TCERG1L: variants seen among roughly 807,000 people sequenced by gnomAD.
The protein encoded by TCERG1L is transcription elongation regulator 1 like.
A neutral mutation model predicts 56.3 loss-of-function variants in TCERG1L; 37 were observed. The observed-to-expected ratio is 0.66, with a 90% CI of 0.51 to 0.87. TCERG1L has a LOEUF of 0.87. Ranked by LOEUF, TCERG1L falls within the 40% of genes least tolerant of loss-of-function variation. The probability of loss-of-function intolerance (pLI) is 0.00; values close to 1 mark genes in which losing one functional copy is unlikely to be tolerated. For synonymous variants in TCERG1L, 324 were observed against 326.3 expected, an observed-to-expected ratio of 0.99 and a Z score of 0.08; for missense variants, 799 against 774.2, an observed-to-expected ratio of 1.03 and a Z score of -0.38.
At chr10:131,291,704 G>C (rs1189689561) in intron 3 of TCERG1L, among the ~76,000 whole-genome samples, 1 of 151,498 alleles carries the variant, frequency 6.6e-6, no homozygotes, top group East Asian at 1.9e-4. Flanking sequence ...AGGATTACAG[G>C]CGTGAGCCAC....
chr10:131,236,095 C>T (rs1341227597), intron 4 of TCERG1L, among the ~76,000 whole-genome samples: 1 of 152,202 alleles, frequency 6.6e-6, no homozygotes, highest in Non-Finnish European at 1.5e-5. Context: ...CTGAACTTCA[C>T]ATGGCAGGAC....
At chr10:131,178,861 A>T (rs1381675386) in intron 4 of TCERG1L, among the ~76,000 whole-genome samples, 1 of 152,214 alleles carries the variant, frequency 6.6e-6, no homozygotes, top group Non-Finnish European at 1.5e-5. Context: ...ACTCCACTGT[A>T]CACTCCGCAG....
chr10:131,227,168 T>G (rs1340334800), intron 4 of TCERG1L, among the ~76,000 whole-genome samples: 1 of 152,236 alleles, frequency 6.6e-6, no homozygotes, highest in Non-Finnish European at 1.5e-5. Context: ...CAAGGGCCTT[T>G]GTTTAATGTG....
At chr10:131,291,771 A>G (rs996294791) in intron 3 of TCERG1L, among the ~76,000 whole-genome samples, 1 of 151,610 alleles carries the variant, frequency 6.6e-6, no homozygotes, top group Non-Finnish European at 1.5e-5. Context: ...ATCCAAGACC[A>G]TAGTAACTGT....
chr10:131,203,246 G>T (rs1462839944), intron 4 of TCERG1L, among the ~76,000 whole-genome samples: 1 of 143,246 alleles, frequency 7.0e-6, no homozygotes. Flanking sequence ...GGTGGTAGAT[G>T]ACCTCACTTA....
rs547056333 is a variant in TCERG1L at position 131,138,011 on chromosome 10, GT to G, written c.1190-3564del. Among the ~76,000 whole-genome samples, 396 of 152,306 alleles carry G rather than the reference GT, an allele frequency of 2.6e-3. 2 individuals carry two copies. Among genetic ancestry groups the G allele is most frequent in the East Asian group, 1.5e-3 (8 of 5,176 alleles). ...AGGCTGAGTGCGATGGCTTATGTCT[GT>G]AATCCCAGCACTTTGGGACGCAGAG... On this transcript the variant is annotated intron_variant, in intron 7 of 11. Coordinates refer to ENST00000368642, the MANE Select transcript of TCERG1L (RefSeq NM_174937.4).
At chr10:131,101,621 G>A (rs1293808753) in intron 10 of TCERG1L, among the ~76,000 whole-genome samples, 4 of 152,124 alleles carry the variant, frequency 2.6e-5, no homozygotes, top group African/African-American at 9.7e-5. Context: ...GACACTGCCC[G>A]GTTTATGGCT....
chr10:131,236,389 C>A (rs1166729086), intron 4 of TCERG1L, among the ~76,000 whole-genome samples: 1 of 152,220 alleles, frequency 6.6e-6, no homozygotes, highest in African/African-American at 2.4e-5. Flanking sequence ...AGGCAATGGA[C>A]CACATGACAC....
At position 131,311,572 on chromosome 10, in the gene TCERG1L, G is replaced by A. The variant is rs1164007671; in HGVS notation, c.64C>T (p.Arg22Trp). The A allele has an allele frequency of 8.7e-7, 1 of 1,155,530 alleles. No homozygotes were observed. The highest frequency in any genetic ancestry group is 1.1e-6 in the Non-Finnish European group (1 of 940,084). 71.6% of individuals were successfully genotyped at this position (1,155,530 alleles called of 1,614,324 possible). Residue 22 changes from arginine (R) to tryptophan (W), a missense_variant, in exon 1 of 12, where the codon CGG becomes TGG. Arg to Trp is a moderately radical substitution (Grantham distance 101, BLOSUM62 -3). Coordinates refer to ENST00000368642, the MANE Select transcript of TCERG1L (RefSeq NM_174937.4). This position sits in a 1 kb window ranked among gnomAD's most constrained non-coding sequence, Gnocchi z 4.0. ...RQLQQQQPRR[R>W]QPLLWPMDAE... The stretch of plus-strand genomic sequence containing the variant: ...TCCATCGGCCAGAGGAGAGGCTGCC[G>A]CCGCCGGGGCTGCTGCTGCTGCAGC...
intron 3 of TCERG1L, among the ~76,000 whole-genome samples, chr10:131,306,062 C>T (rs1846815683): frequency 6.6e-6 from 1 of 152,062 alleles, no homozygotes; most frequent in South Asian, 2.1e-4. Context: ...TCATTAACTG[C>T]AGTAAAATTA....
chr10:131,112,317 GC>G lies in TCERG1L; in HGVS notation c.1395+4481del, dbSNP rs1481113578. Among the ~76,000 whole-genome samples the G allele has an allele frequency of 4.2e-5, 6 of 142,686 alleles. 1 individual carries two copies. The highest frequency in any genetic ancestry group is 7.9e-5 in the Non-Finnish European group (5 of 63,252). The allele number at this position is 142,686 out of a possible 152,430, so 93.6% of individuals were successfully genotyped here. A position where few individuals can be genotyped will look rare whatever the true frequency, so the allele number is the denominator to read the frequency against. ...GTCCTGGAGATGCCTGTCTGGATCT[GC>G]AGCCCACCCGGCCCCTCCTGGGCCC... On this transcript the variant is annotated intron_variant, in intron 9 of 11. Transcript: ENST00000368642.
At chr10:131,192,280 C>A (rs1387247883) in intron 4 of TCERG1L, among the ~76,000 whole-genome samples, 2 of 144,142 alleles carry the variant, frequency 1.4e-5, no homozygotes, top group East Asian at 3.9e-4. Context: ...AAATGCTTAA[C>A]ATAGTTAATC....
At chr10:131,188,823 A>G (rs568908869) in intron 4 of TCERG1L, among the ~76,000 whole-genome samples, 1 of 152,168 alleles carries the variant, frequency 6.6e-6, no homozygotes, top group African/African-American at 2.4e-5. Flanking sequence ...CCGCTCCTAA[A>G]TCTGGCCACA....
At chr10:131,191,864 C>CAAAAAAAAAAAAA (rs59816491) in intron 4 of TCERG1L, among the ~76,000 whole-genome samples, 2 of 28,722 alleles carry the variant, frequency 7.0e-5, no homozygotes, top group Non-Finnish European at 1.2e-4. Context: ...GACTCCGTCT[C>CAAAAAAAAAAAAA]AAAAAAAAAA....
At chr10:131,266,276 T>C (rs1846284983) in intron 3 of TCERG1L, among the ~76,000 whole-genome samples, 1 of 152,236 alleles carries the variant, frequency 6.6e-6, no homozygotes, top group South Asian at 2.1e-4. Context: ...TCCAAAGACG[T>C]CTTGAAACCC....
intron 3 of TCERG1L, among the ~76,000 whole-genome samples, chr10:131,301,377 T>A (rs1197963058): frequency 1.3e-5 from 2 of 152,082 alleles, no homozygotes; most frequent in African/African-American, 4.8e-5. Context: ...AATATTGCTT[T>A]AAATTTTTCA....
At chr10:131,289,339 A>AC (rs144196813) in intron 3 of TCERG1L, among the ~76,000 whole-genome samples, 81 of 59,896 alleles carry the variant, frequency 1.4e-3, no homozygotes, top group Non-Finnish European at 3.2e-3. Flanking sequence ...TTCTGATTAT[A>AC]AAATACAGAC....
At chr10:131,130,515 C>T (rs1054574703) in intron 8 of TCERG1L, among the ~76,000 whole-genome samples, 11 of 152,198 alleles carry the variant, frequency 7.2e-5, no homozygotes, top group South Asian at 4.1e-4. Flanking sequence ...TCAGGGCCCA[C>T]GCCCCTGTGT....
chr10:131,145,173 C>G (rs1161896471), intron 7 of TCERG1L, among the ~76,000 whole-genome samples: 1 of 152,236 alleles, frequency 6.6e-6, no homozygotes, highest in African/African-American at 2.4e-5. Context: ...TTAGGACAAA[C>G]TGTGCCTTAA....
Sources: gnomAD v4.1 joint callset for allele counts (sites outside exome capture counted in the v4.1 genomes callset) on GRCh38, gnomAD v4.1.1 for gene constraint, Gnocchi (gnomAD v3.1) non-coding constraint, MANE v1.5 for transcripts, NCBI Gene and HGNC (gene_info 2026-07-23, HGNC 2026-07-21) for gene names.